Variants in CD226 observed in about 807,000 individuals in gnomAD.
CD226 encodes the protein CD226 antigen.
Under a neutral mutation model 34.9 loss-of-function variants are expected in CD226, and 24 were observed. The observed-to-expected ratio is 0.69, with a 90% CI of 0.50 to 0.97. The LOEUF is 0.97. Ranked by LOEUF, CD226 falls within the 50% of genes least tolerant of loss-of-function variation. The pLI, the probability that CD226 is intolerant of heterozygous loss-of-function variation, is 0.00. For synonymous variants in CD226, 148 were observed against 147.4 expected (o/e 1.00, Z -0.03); for missense variants, 397 against 412.7 (o/e 0.96, Z 0.33).
chr18:69,941,729 G>A (rs967601612), intron 2 of CD226, among the ~76,000 whole-genome samples: 5 of 152,232 alleles, frequency 3.3e-5, no homozygotes, highest in African/African-American at 1.2e-4. Context: ...ACTTTGGGCT[G>A]TGGACTTTCA....
At chr18:69,907,551 C>T (rs2055271219) in intron 2 of CD226, among the ~76,000 whole-genome samples, 1 of 152,180 alleles carries the variant, frequency 6.6e-6, no homozygotes, top group Non-Finnish European at 1.5e-5. Flanking sequence ...CTCAAGTGGT[C>T]CGCCCACCTC....
At chr18:69,943,124 G>A (rs1225425071) in intron 2 of CD226, among the ~76,000 whole-genome samples, 3 of 152,074 alleles carry the variant, frequency 2.0e-5, no homozygotes, top group East Asian at 1.9e-4. Flanking sequence ...GTTGTATTAC[G>A]GGAACATATT....
intron 2 of CD226, among the ~76,000 whole-genome samples, chr18:69,929,336 T>C (rs750099246): frequency 6.6e-6 from 1 of 152,206 alleles, no homozygotes; most frequent in Non-Finnish European, 1.5e-5. Flanking sequence ...TCCATCTTGA[T>C]TTCTTCATGT....
intron 2 of CD226, among the ~76,000 whole-genome samples, chr18:69,908,527 G>A (rs1417258554): frequency 6.6e-6 from 1 of 152,152 alleles, no homozygotes; most frequent in Non-Finnish European, 1.5e-5. Flanking sequence ...CAAACAGAAT[G>A]AAAATTTGAG....
Position 69,880,330 on chromosome 18 carries a change from GAGAAAGAAAGAAAGAA to G in CD226, c.728-7100_728-7085del, listed in dbSNP as rs74175399. Among the ~76,000 whole-genome samples, 28 of 134,964 alleles carry G rather than the reference GAGAAAGAAAGAAAGAA, an allele frequency of 2.1e-4. 2 individuals are homozygous for G. In the South Asian group the frequency reaches 2.9e-3, roughly 14 times the overall value. The allele number at this position is 134,964 out of a possible 152,430, so 88.5% of individuals were successfully genotyped here. The stretch of plus-strand genomic sequence containing the variant: ...AGAAAGAAAGAAAGAAAAAGAAAGA[GAGAAAGAAAGAAAGAA>G]AGAAAGAAAGAAAGGAAGGAAGGAA... On this transcript the variant is annotated intron_variant, in intron 3 of 5. Transcript: ENST00000582621.
At chr18:69,955,648 G>A (rs1448206435) in intron 1 of CD226, among the ~76,000 whole-genome samples, 4 of 152,090 alleles carry the variant, frequency 2.6e-5, no homozygotes, top group African/African-American at 4.8e-5. Context: ...CGGATCATGA[G>A]GTCAGGAGAT....
intron 2 of CD226, among the ~76,000 whole-genome samples, chr18:69,908,603 CTCTAATTGTAGCCCCTTT>C (rs138181166): frequency 0.03 from 4,595 of 152,136 alleles, 237 homozygotes; most frequent in African/African-American, 0.1. Context: ...TCAAAATGAA[CTCTAATTGTAGCCCCTTT>C]TCCCTCCAAT....
At chr18:69,906,346 G>C (rs913028929) in intron 2 of CD226, among the ~76,000 whole-genome samples, 4 of 152,170 alleles carry the variant, frequency 2.6e-5, no homozygotes, top group Non-Finnish European at 5.9e-5. Context: ...GGAAATCAGA[G>C]GTTCACCATT....
At chr18:69,872,834 G>A (rs978665872) in intron 4 of CD226, among the ~76,000 whole-genome samples, 1 of 152,152 alleles carries the variant, frequency 6.6e-6, no homozygotes, top group Non-Finnish European at 1.5e-5. Context: ...ATCTCGCGCT[G>A]TGTCATACAC....
chr18:69,953,696 A>G (rs1055852226), intron 1 of CD226, among the ~76,000 whole-genome samples: 3 of 152,198 alleles, frequency 2.0e-5, no homozygotes, highest in East Asian at 1.9e-4. Context: ...ACTGAACTGT[A>G]TATTTTAAAA....
intron 2 of CD226, among the ~76,000 whole-genome samples, 190 bp downstream of exon 2, chr18:69,946,544 C>G (rs1391954760): frequency 6.6e-6 from 1 of 152,114 alleles, no homozygotes; most frequent in Non-Finnish European, 1.5e-5. Context: ...CACAACAGCA[C>G]AGTCAGAAAA....
rs1476191555 is a variant in CD226 at position 69,859,691 on chromosome 18, G to A, written c.*4623C>T. On this transcript the variant is annotated 3_prime_UTR_variant, in exon 6 of 6. Transcript: ENST00000582621. ...GGTAACAAAAATGAGGAAGGGCAAG[G>A]GACTACTATGTTTCGGGAAAAACAA... 2 of 151,974 alleles carry A rather than the reference G, an allele frequency of 1.3e-5. No homozygotes were observed. Among genetic ancestry groups the A allele is most frequent in the East Asian group, 3.9e-4 (2 of 5,182 alleles). 9.4% of individuals were successfully genotyped at this position (151,974 alleles called of 1,614,324 possible).
chr18:69,874,338 C>T (rs1568160630), intron 3 of CD226, among the ~76,000 whole-genome samples: 1 of 152,242 alleles, frequency 6.6e-6, no homozygotes, highest in Non-Finnish European at 1.5e-5. Flanking sequence ...CTGCCCACAA[C>T]ACACCTCTCA....
At chr18:69,898,054 A>G (rs986913930) in intron 2 of CD226, among the ~76,000 whole-genome samples, 5 of 152,188 alleles carry the variant, frequency 3.3e-5, no homozygotes, top group Admixed American at 2.0e-4. Context: ...TAAAAAAGGG[A>G]AAAAAGGAAA....
chr18:69,866,183 T>C (rs973873296), intron 5 of CD226, among the ~76,000 whole-genome samples: 3 of 152,178 alleles, frequency 2.0e-5, no homozygotes, highest in African/African-American at 7.2e-5. Flanking sequence ...CATGATCTAA[T>C]TACATCCCAA....
In CD226 at chr18:69,954,270, C is replaced by G. The variant is rs139094759; in HGVS notation, c.-28+2485G>C. 6.4e-3 allele frequency among the ~76,000 whole-genome samples: 971 copies of G among 152,166 alleles called. 25 individuals are homozygous for G. Among genetic ancestry groups the G allele is most frequent in the Admixed American group, 0.037 (571 of 15,266 alleles). On this transcript the variant is annotated intron_variant, in intron 1 of 6. Coordinates refer to the CD226 transcript ENST00000280200. The stretch of plus-strand genomic sequence containing the variant: ...GCATAGTACAGTCTAAGCATAGAGT[C>G]CACAGACACACTCTGTCACAACTTT...
chr18:69,899,873 T>C (rs113369246), intron 2 of CD226, among the ~76,000 whole-genome samples: 6 of 152,320 alleles, frequency 3.9e-5, no homozygotes, highest in African/African-American at 1.4e-4. Flanking sequence ...AGTATGGCAA[T>C]TCCTCAAAGA....
chr18:69,880,185 G>A (rs1003457301), intron 3 of CD226, among the ~76,000 whole-genome samples: 2 of 144,694 alleles, frequency 1.4e-5, no homozygotes, highest in Non-Finnish European at 3.0e-5. Context: ...GAATGGAAGG[G>A]AAGGAAAGCG....
intron 3 of CD226, among the ~76,000 whole-genome samples, chr18:69,892,677 G>A (rs1984975475): frequency 1.3e-5 from 2 of 152,116 alleles, no homozygotes; most frequent in Admixed American, 6.5e-5. Context: ...GTTGGCAGGG[G>A]TCCTCTGTTG....
Sources: allele counts gnomAD v4.1 joint callset (sites outside exome capture counted in the v4.1 genomes callset), GRCh38; gene constraint gnomAD v4.1.1; transcripts MANE v1.5; gene names NCBI Gene and HGNC (gene_info 2026-07-23, HGNC 2026-07-21).